Variants in SOX5 observed in about 807,000 individuals in gnomAD.
SOX5 encodes the protein transcription factor SOX-5.
A neutral mutation model predicts 92.0 loss-of-function variants in SOX5; 9 were observed. The observed-to-expected ratio is 0.10, with a 90% CI of 0.06 to 0.17. The LOEUF is 0.17. Ranked by LOEUF, SOX5 falls within the 10% of genes least tolerant of loss-of-function variation. SOX5 has a pLI of 1.00. For missense variants in SOX5, 642 were observed against 944.5 expected (o/e 0.68, Z 4.20); for synonymous variants, 344 against 336.3 (o/e 1.02, Z -0.25).
At chr12:24,044,043 C>A (rs758052982) in intron 4 of SOX5, among the ~76,000 whole-genome samples, 1 of 152,094 alleles carries the variant, frequency 6.6e-6, no homozygotes, top group Non-Finnish European at 1.5e-5. Flanking sequence ...AAATTGTCAT[C>A]ATTGTTGTTT....
intron 4 of SOX5, among the ~76,000 whole-genome samples, chr12:24,033,945 C>A (rs745590300): frequency 6.6e-6 from 1 of 151,940 alleles, no homozygotes; most frequent in Non-Finnish European, 1.5e-5. Context: ...CTGAAGACAG[C>A]GTTTTTTATA....
At chr12:24,551,119 T>C (rs537718210) in intron 1 of SOX5, among the ~76,000 whole-genome samples, 37 of 152,368 alleles carry the variant, frequency 2.4e-4, no homozygotes, top group Middle Eastern at 3.4e-3. Context: ...CTGGATCGCA[T>C]GTCACTCTGG....
intron 3 of SOX5, among the ~76,000 whole-genome samples, chr12:24,263,554 A>C: frequency 6.7e-6 from 1 of 149,926 alleles, no homozygotes; most frequent in Non-Finnish European, 1.5e-5. Flanking sequence ...AAAAAAAAAC[A>C]AAAACAAGAA....
intron 2 of SOX5, among the ~76,000 whole-genome samples, chr12:23,865,694 AC>A (rs2096804318): frequency 6.6e-6 from 1 of 152,106 alleles, no homozygotes; most frequent in Non-Finnish European, 1.5e-5. Context: ...GAAAAAAAAT[AC>A]ATTTTGTAAG....
intron 3 of SOX5, among the ~76,000 whole-genome samples, chr12:24,215,068 T>C (rs1207901117): frequency 6.6e-6 from 1 of 152,056 alleles, no homozygotes; most frequent in African/African-American, 2.4e-5. Context: ...TTTAAAACCA[T>C]CAAAACATTA....
At chr12:23,612,303 T>C (rs1684254465) in intron 8 of SOX5, among the ~76,000 whole-genome samples, 4 of 152,056 alleles carry the variant, frequency 2.6e-5, no homozygotes, top group African/African-American at 9.7e-5. Context: ...CCAAGTCAGG[T>C]CATTGAGATT....
At chr12:24,540,339 C>T (rs563461576) in intron 1 of SOX5, among the ~76,000 whole-genome samples, 4 of 151,998 alleles carry the variant, frequency 2.6e-5, no homozygotes, top group African/African-American at 9.7e-5. Context: ...AACAAACATA[C>T]CTTGTCATCT....
chr12:23,534,194 G>A lies in SOX5; in HGVS notation c.*25C>T, dbSNP rs1939672579. On this transcript the variant is annotated 3_prime_UTR_variant, in exon 15 of 15. Coordinates refer to ENST00000451604, the MANE Select transcript of SOX5 (RefSeq NM_006940.6). ...CAGTTAGGGCTTCTTTAAGTCCTAA[G>A]GTCACAACAATCTTTTGACCCTTAT... 3.7e-6 allele frequency: 6 copies of A among 1,603,706 alleles called. No individual in the cohort carries two copies. The highest frequency in any genetic ancestry group is 5.1e-6 in the Non-Finnish European group (6 of 1,172,882).
chr12:24,403,928 A>G (rs1962332924), intron 1 of SOX5, among the ~76,000 whole-genome samples: 1 of 150,086 alleles, frequency 6.7e-6, no homozygotes, highest in Non-Finnish European at 1.5e-5. Flanking sequence ...TAAAATAGTG[A>G]CAAATACTAC....
intron 2 of SOX5, among the ~76,000 whole-genome samples, chr12:24,366,892 T>G (rs1052823516): frequency 6.6e-6 from 1 of 151,398 alleles, no homozygotes; most frequent in Admixed American, 6.6e-5. Context: ...TATTTTCTAG[T>G]GGAGAAAAAG....
chr12:24,066,329 C>T (rs937618680), intron 4 of SOX5, among the ~76,000 whole-genome samples: 3 of 152,064 alleles, frequency 2.0e-5, no homozygotes, highest in Non-Finnish European at 2.9e-5. Flanking sequence ...AAATACTAGA[C>T]TTTAAGATAG....
Position 23,788,834 on chromosome 12 carries a change from T to G in SOX5, c.482-33110A>C, listed in dbSNP as rs1031478455. On this transcript the variant is annotated intron_variant, in intron 3 of 14. Transcript: ENST00000451604. ...AGCACATACCATGTGCCACACAGCA[T>G]TCACTAGAAATGAATAGTATTGAAT... Among the ~76,000 whole-genome samples, 6 of 152,078 alleles carry G rather than the reference T, an allele frequency of 3.9e-5. No individual in the cohort carries two copies. The South Asian group carries it at 8.3e-4, about 21-fold the overall frequency.
chr12:24,459,870 CAT>C (rs1378686622), intron 1 of SOX5, among the ~76,000 whole-genome samples: 1 of 152,146 alleles, frequency 6.6e-6, no homozygotes, highest in Non-Finnish European at 1.5e-5. Context: ...AACATTAAGA[CAT>C]ATTAATTTTT....
At chr12:24,114,119 T>G (rs972134281) in intron 4 of SOX5, among the ~76,000 whole-genome samples, 1 of 152,164 alleles carries the variant, frequency 6.6e-6, no homozygotes, top group Non-Finnish European at 1.5e-5. Flanking sequence ...TCAAGATATG[T>G]AGACATCAGA....
intron 3 of SOX5, among the ~76,000 whole-genome samples, chr12:24,253,963 T>C (rs1263676898): frequency 6.6e-6 from 1 of 152,174 alleles, no homozygotes; most frequent in Non-Finnish European, 1.5e-5. Flanking sequence ...ATGATGGTAA[T>C]AGTAAGTACC....
chr12:23,999,418 A>G (rs1291261684), intron 4 of SOX5, among the ~76,000 whole-genome samples: 3 of 152,148 alleles, frequency 2.0e-5, no homozygotes, highest in Non-Finnish European at 4.4e-5. Flanking sequence ...AATAATGTAC[A>G]ATATACTTAA....
intron 6 of SOX5, among the ~76,000 whole-genome samples, chr12:23,726,176 G>GAGAGAGAGAGAGA (rs1555294880): frequency 1.4e-5 from 1 of 73,070 alleles, no homozygotes; most frequent in Non-Finnish European, 3.0e-5. Flanking sequence ...AGAGAGAGAG[G>GAGAGAGAGAGAGA]TCAGTTTCTC....
chr12:24,019,087 C>A (rs573217251), intron 4 of SOX5, among the ~76,000 whole-genome samples: 2 of 152,260 alleles, frequency 1.3e-5, no homozygotes, highest in African/African-American at 2.4e-5. Flanking sequence ...AACCCTTCCC[C>A]TCCACCACCT....
At chr12:23,729,309 T>C (rs1359310958) in intron 6 of SOX5, among the ~76,000 whole-genome samples, 2 of 152,198 alleles carry the variant, frequency 1.3e-5, no homozygotes, top group African/African-American at 4.8e-5. Context: ...GATGTGAAGA[T>C]GCACAGACTG....
Sources: allele counts gnomAD v4.1 joint callset (sites outside exome capture counted in the v4.1 genomes callset), GRCh38; gene constraint gnomAD v4.1.1; transcripts MANE v1.5; gene names NCBI Gene and HGNC (gene_info 2026-07-23, HGNC 2026-07-21).